LANCL2: variants seen among roughly 807,000 people sequenced by gnomAD.
LANCL2 encodes the protein LanC like glutathione S-transferase 2, also known as lanC-like protein 2.
LANCL2 carries 33 observed loss-of-function variants against 56.9 expected under a neutral mutation model. That is an observed-to-expected ratio of 0.58 (90% CI 0.44 to 0.78). The LOEUF (loss-of-function observed/expected upper bound fraction) is 0.78. LANCL2 is among the 30% of genes least tolerant of loss of function. The pLI, the probability that LANCL2 is intolerant of heterozygous loss-of-function variation, is 0.00. For synonymous variants in LANCL2, 233 were observed against 228.2 expected, an observed-to-expected ratio of 1.02 and a Z score of -0.19; for missense variants, 562 against 580.2, an observed-to-expected ratio of 0.97 and a Z score of 0.32.
At chr7:55,412,138 T>C in intron 6 of LANCL2, 49 bp downstream of exon 6, 2 of 1,560,478 alleles carry the variant, frequency 1.3e-6, no homozygotes, top group Non-Finnish European at 1.7e-6. Flanking sequence ...GAGCCAGGTT[T>C]CCCTGTCAGG....
intron 2 of LANCL2, among the ~76,000 whole-genome samples, chr7:55,397,460 C>CAAAAAAAAAAAAAAAAAAAACAAAAAAAA (rs35547837): frequency 1.1e-5 from 1 of 90,356 alleles, no homozygotes; most frequent in Non-Finnish European, 2.1e-5. Context: ...GACTCTGTCT[C>CAAAAAAAAAAAAAAAAAAAACAAAAAAAA]AAAAAAAAAA....
chr7:55,366,111 C>A lies in LANCL2; in HGVS notation c.86C>A (p.Pro29Gln). 1 of 1,545,358 alleles carries A rather than the reference C, an allele frequency of 6.5e-7. No homozygotes were observed. Among genetic ancestry groups the A allele is most frequent in the East Asian group, 2.5e-5 (1 of 40,816 alleles). Reference sequence around the variant, plus strand: ...GAACGGGCGTTCGTCAACCCCTTCCCGGACTACGAGGCCGCCGCCGGGGCG... The same window carrying A: ...GAACGGGCGTTCGTCAACCCCTTCCAGGACTACGAGGCCGCCGCCGGGGCG... ...MEERAFVNPF[P>Q]DYEAAAGALL... is the part of the protein sequence containing the mutation. Residue 29 changes from proline (P) to glutamine (Q), a missense_variant, in exon 1 of 9, where the codon CCG becomes CAG. By Grantham distance (76) the Pro-to-Gln change is moderately conservative. Coordinates refer to ENST00000254770, the MANE Select transcript of LANCL2 (RefSeq NM_018697.4).
chr7:55,385,767 C>CT (rs1365226215), intron 1 of LANCL2, among the ~76,000 whole-genome samples: 1 of 152,126 alleles, frequency 6.6e-6, no homozygotes, highest in Non-Finnish European at 1.5e-5. Flanking sequence ...TGAGATCAAC[C>CT]GGTCTGACCA....
At chr7:55,369,020 G>A (rs1300007967) in intron 1 of LANCL2, among the ~76,000 whole-genome samples, 1 of 152,134 alleles carries the variant, frequency 6.6e-6, no homozygotes, top group African/African-American at 2.4e-5. Context: ...GAGACATAGG[G>A]AGAAAGAAGA....
chr7:55,378,659 C>T (rs1790030709), intron 1 of LANCL2, among the ~76,000 whole-genome samples: 2 of 152,010 alleles, frequency 1.3e-5, no homozygotes, highest in African/African-American at 2.4e-5. Context: ...AATAAATTTT[C>T]TTTGTACATG....
chr7:55,368,869 G>A (rs1244508003), intron 1 of LANCL2, among the ~76,000 whole-genome samples: 1 of 152,234 alleles, frequency 6.6e-6, no homozygotes, highest in African/African-American at 2.4e-5. Flanking sequence ...AGAGAAGCAG[G>A]TATGATGGCT....
intron 4 of LANCL2, among the ~76,000 whole-genome samples, chr7:55,400,513 G>C (rs1790309374): frequency 6.6e-6 from 1 of 152,186 alleles, no homozygotes; most frequent in South Asian, 2.1e-4. Context: ...GGGAAAAGAG[G>C]AGGTGGAGGC....
In LANCL2 at chr7:55,366,001, G is replaced by A. The variant is rs1358415979; in HGVS notation, c.-25G>A. ...GCGCCGGGACAGGAGGTTTGTCCCC[G>A]CCCGCGCGCCGTACCGCGGCGGAGA... On this transcript the variant is annotated 5_prime_UTR_variant, in exon 1 of 9. Coordinates refer to ENST00000254770, the MANE Select transcript of LANCL2 (RefSeq NM_018697.4). 8 of 1,413,838 alleles carry A rather than the reference G, an allele frequency of 5.7e-6. No homozygotes were observed. The South Asian group carries it at 7.5e-5, about 13-fold the overall frequency. 87.6% of individuals were successfully genotyped at this position (1,413,838 alleles called of 1,614,324 possible).
At chr7:55,378,553 T>C in intron 1 of LANCL2, among the ~76,000 whole-genome samples, 1 of 151,900 alleles carries the variant, frequency 6.6e-6, no homozygotes, top group Non-Finnish European at 1.5e-5. Flanking sequence ...TGTGTGTGTG[T>C]GTATGTAAAT....
chr7:55,369,194 G>A (rs1789910261), intron 1 of LANCL2, among the ~76,000 whole-genome samples: 1 of 152,262 alleles, frequency 6.6e-6, no homozygotes, highest in South Asian at 2.1e-4. Context: ...ATAAATTTAT[G>A]TGGTTTTAAG....
chr7:55,404,922 A>G (rs1040132094), intron 5 of LANCL2, among the ~76,000 whole-genome samples: 2 of 152,212 alleles, frequency 1.3e-5, no homozygotes, highest in Non-Finnish European at 2.9e-5. Context: ...ATGCAGGTAC[A>G]TGCTTTCAAA....
chr7:55,397,821 G>T (rs1790272955), intron 2 of LANCL2, among the ~76,000 whole-genome samples: 1 of 152,024 alleles, frequency 6.6e-6, no homozygotes, highest in Non-Finnish European at 1.5e-5. Flanking sequence ...TTGGTGGGTG[G>T]TGAACCACAC....
At chr7:55,400,729 T>G (rs986700634) in intron 4 of LANCL2, among the ~76,000 whole-genome samples, 2 of 152,232 alleles carry the variant, frequency 1.3e-5, no homozygotes, top group African/African-American at 4.8e-5. Flanking sequence ...TGATATTCTG[T>G]TGATCTAACT....
chr7:55,371,821 T>C (rs903328906), intron 1 of LANCL2, among the ~76,000 whole-genome samples: 1 of 152,208 alleles, frequency 6.6e-6, no homozygotes, highest in Non-Finnish European at 1.5e-5. Flanking sequence ...TTTAACCTCA[T>C]AATATATCAT....
chr7:55,402,451 C>T (rs1362167252), intron 5 of LANCL2, among the ~76,000 whole-genome samples: 16 of 136,098 alleles, frequency 1.2e-4, no homozygotes, highest in East Asian at 1.1e-3. Flanking sequence ...CCCTCCCGGA[C>T]GGGGCGGCTG....
intron 1 of LANCL2, 61 bp downstream of exon 1, chr7:55,366,290 C>A: frequency 7.3e-7 from 1 of 1,365,756 alleles, no homozygotes. Context: ...GTAGCGTCCA[C>A]CTTCCGCCAG....
chr7:55,421,015 A>C (rs1397183195), intron 6 of LANCL2, among the ~76,000 whole-genome samples: 1 of 152,094 alleles, frequency 6.6e-6, no homozygotes, highest in Admixed American at 6.5e-5. Flanking sequence ...AATATTCTTT[A>C]TCTTGAAGTC....
At chr7:55,377,557 G>A (rs566298028) in intron 1 of LANCL2, among the ~76,000 whole-genome samples, 6 of 151,804 alleles carry the variant, frequency 4.0e-5, no homozygotes, top group Non-Finnish European at 8.8e-5. Context: ...TTATTACCAT[G>A]AAAACATTGT....
intron 1 of LANCL2, among the ~76,000 whole-genome samples, chr7:55,381,083 C>G (rs1790063243): frequency 6.6e-6 from 1 of 152,058 alleles, no homozygotes; most frequent in African/African-American, 2.4e-5. Context: ...GTTGGCCAGG[C>G]TGGTCCTGAA....
Sources: allele counts gnomAD v4.1 joint callset (sites outside exome capture counted in the v4.1 genomes callset), GRCh38; gene constraint gnomAD v4.1.1; transcripts MANE v1.5; gene names NCBI Gene and HGNC (gene_info 2026-07-23, HGNC 2026-07-21).